Variants in PRKDC observed in about 807,000 individuals in gnomAD.
The protein encoded by PRKDC is protein kinase, DNA-activated, catalytic subunit.
PRKDC carries 82 observed loss-of-function variants against 486.9 expected under a neutral mutation model. That is an observed-to-expected ratio of 0.17 (90% CI 0.14 to 0.20). The LOEUF is 0.20. Ranked by LOEUF, PRKDC falls within the 10% of genes least tolerant of loss-of-function variation. The probability of loss-of-function intolerance (pLI) is 1.00; values close to 1 mark genes in which losing one functional copy is unlikely to be tolerated. For missense variants in PRKDC, 4,504 were observed against 5,038.2 expected (o/e 0.89, Z 3.21); for synonymous variants, 1,895 against 1,837.0 (o/e 1.03, Z -0.81).
intron 72 of PRKDC, among the ~76,000 whole-genome samples, chr8:47,798,873 A>T (rs927552657): frequency 6.6e-6 from 1 of 151,290 alleles, no homozygotes; most frequent in Admixed American, 6.6e-5. Context: ...GCAGTAGTGG[A>T]TATCGGCTCA....
intron 33 of PRKDC, 67 bp downstream of exon 33, chr8:47,888,947 G>A: frequency 1.4e-6 from 2 of 1,473,926 alleles, no homozygotes; most frequent in Non-Finnish European, 1.9e-6. Flanking sequence ...AGCTGCAGGA[G>A]CACGGCAACA....
chr8:47,777,099 G>T, intron 84 of PRKDC, 116 bp from the exon 85 acceptor site: 1 of 1,328,368 alleles, frequency 7.5e-7, no homozygotes, highest in Non-Finnish European at 1.0e-6. Context: ...ACCAGGAGCA[G>T]CCTTGCTTTC....
intron 26 of PRKDC, among the ~76,000 whole-genome samples, chr8:47,903,255 T>C (rs1477953326): frequency 2.0e-5 from 3 of 152,340 alleles, no homozygotes; most frequent in Middle Eastern, 3.4e-3. Flanking sequence ...GAAAATCCTA[T>C]GGAGGCATGA....
intron 57 of PRKDC, among the ~76,000 whole-genome samples, chr8:47,836,976 G>T (rs2088039018): frequency 2.0e-5 from 3 of 152,224 alleles, no homozygotes; most frequent in African/African-American, 7.2e-5. Flanking sequence ...TGTGGATTGG[G>T]AGGAATGAGG....
chr8:47,851,535 G>A (rs886218024), intron 52 of PRKDC, among the ~76,000 whole-genome samples: 1 of 152,174 alleles, frequency 6.6e-6, no homozygotes, highest in African/African-American at 2.4e-5. Flanking sequence ...TGCCTGCTCA[G>A]GACCACCTGG....
intron 30 of PRKDC, among the ~76,000 whole-genome samples, chr8:47,896,039 G>C (rs780675341): frequency 6.6e-6 from 1 of 151,806 alleles, no homozygotes; most frequent in Admixed American, 6.6e-5. Context: ...ACTCTGTCTC[G>C]GGGGAAAAAA....
chr8:47,816,498 A>G (rs1332798343), intron 68 of PRKDC, among the ~76,000 whole-genome samples: 3 of 152,216 alleles, frequency 2.0e-5, no homozygotes, highest in Non-Finnish European at 2.9e-5. Flanking sequence ...ACAATTAACA[A>G]AACTGAAATT....
At chr8:47,943,003 G>A (rs889864733) in intron 10 of PRKDC, among the ~76,000 whole-genome samples, 2 of 152,192 alleles carry the variant, frequency 1.3e-5, no homozygotes, top group African/African-American at 4.8e-5. Context: ...TCTAGGCTCT[G>A]AGGCCCTAAT....
Position 47,850,725 on chromosome 8 carries a change from A to C in PRKDC, c.7006-1222T>G, listed in dbSNP as rs182649291. On this transcript the variant is annotated intron_variant, in intron 52 of 85. Coordinates refer to ENST00000314191, the MANE Select transcript of PRKDC (RefSeq NM_006904.7). ...AGAAAGCAAGTTATAAAACAGTATG[A>C]ATAACAGAGACCAAGAACAGTGGAG... is the stretch of plus-strand genomic sequence containing the variant. 3.9e-5 allele frequency among the ~76,000 whole-genome samples: 6 copies of C among 152,374 alleles called. No homozygotes were observed. The East Asian group carries it at 1.2e-3, about 29-fold the overall frequency.
At chr8:47,800,239 A>C (rs983918788) in intron 71 of PRKDC, among the ~76,000 whole-genome samples, 1 of 152,034 alleles carries the variant, frequency 6.6e-6, no homozygotes, top group African/African-American at 2.4e-5. Flanking sequence ...CTGGATTAAG[A>C]AAATGTGGCA....
chr8:47,868,312 A>C lies in PRKDC; in HGVS notation c.5364-3549T>G, dbSNP rs143389960. ...GCGGCTCACACTTGTAATCCCAGCAATTTGGAGGCTGAGAAAGAAGGATCA... is the reference window on the plus strand; with the variant it reads ...GCGGCTCACACTTGTAATCCCAGCACTTTGGAGGCTGAGAAAGAAGGATCA... On this transcript the variant is annotated intron_variant, in intron 40 of 85. Coordinates refer to ENST00000314191, the MANE Select transcript of PRKDC (RefSeq NM_006904.7). 2.1e-4 allele frequency among the ~76,000 whole-genome samples: 32 copies of C among 152,018 alleles called. 2 individuals are homozygous for C. The East Asian group carries it at 6.0e-3, about 28-fold the overall frequency.
In PRKDC at chr8:47,881,367, G is replaced by A. The variant is rs369789074; in HGVS notation, c.5067+49C>T. The A allele has an allele frequency of 1.2e-4, 136 of 1,105,620 alleles. No individual in the cohort carries two copies. The African/African-American group carries it at 1.8e-3, about 15-fold the overall frequency. The allele number at this position is 1,105,620 out of a possible 1,614,324, so 68.5% of individuals were successfully genotyped here. On this transcript the variant is annotated intron_variant, in intron 38 of 85. Coordinates refer to ENST00000314191, the MANE Select transcript of PRKDC (RefSeq NM_006904.7). The stretch of plus-strand genomic sequence containing the variant: ...AAAAAACATCACAAATAAAAAATAC[G>A]AAAACAGAAGAGAATGTAATCCAAA...
rs532814393 is a variant in PRKDC, at chr8:47,879,679, A to C, written c.5068-21T>G. ...TGGCCCTGTGGAGCAAGACAGACAT[A>C]AGAAACTGCACGAATTATGGCTTAT... On this transcript the variant is annotated intron_variant, in intron 38 of 85. Coordinates refer to ENST00000314191, the MANE Select transcript of PRKDC (RefSeq NM_006904.7). 4 of 1,515,696 alleles carry C rather than the reference A, an allele frequency of 2.6e-6. No homozygotes were observed. In the Admixed American group the frequency reaches 1.0e-4, roughly 39 times the overall value. 93.9% of individuals were successfully genotyped at this position (1,515,696 alleles called of 1,614,324 possible). A position where few individuals can be genotyped will look rare whatever the true frequency, so the allele number is the denominator to read the frequency against.
At chr8:47,784,966 T>C in intron 77 of PRKDC, 147 bp downstream of exon 77, 1 of 749,192 alleles carries the variant, frequency 1.3e-6, no homozygotes, top group Non-Finnish European at 2.2e-6. Flanking sequence ...ATTTTCCTAA[T>C]GATGAAAAAT....
Position 47,782,081 on chromosome 8 carries a change from C to A in PRKDC, c.11489+81G>T. The A allele has an allele frequency of 1.6e-6, 2 of 1,285,428 alleles. No homozygotes were observed. Among genetic ancestry groups the A allele is most frequent in the South Asian group, 1.2e-5 (1 of 80,426 alleles). 79.6% of individuals were successfully genotyped at this position (1,285,428 alleles called of 1,614,324 possible). On this transcript the variant is annotated intron_variant, in intron 80 of 85. Coordinates refer to ENST00000314191, the MANE Select transcript of PRKDC (RefSeq NM_006904.7). The surrounding 1 kb of genome is among the most constrained non-coding windows in gnomAD (Gnocchi z 4.9). The stretch of plus-strand genomic sequence containing the variant: ...GGCAGGCAGTGTGGGCTCTCGAGCG[C>A]GCCTGTCACGGCCCCGACCTGCCAC...
chr8:47,903,360 C>G (rs2089721198), intron 26 of PRKDC, among the ~76,000 whole-genome samples: 1 of 152,164 alleles, frequency 6.6e-6, no homozygotes. Flanking sequence ...TTGTTGCCTT[C>G]TAGTCATGAC....
At chr8:47,785,378 C>T in intron 76 of PRKDC, 61 bp from the exon 77 acceptor site, 1 of 1,285,716 alleles carries the variant, frequency 7.8e-7, no homozygotes, top group South Asian at 1.3e-5. Context: ...GGAAAAGGCT[C>T]TAAGCTTATA....
Position 47,943,903 on chromosome 8 carries a change from T to A in PRKDC, c.778-20A>T, listed in dbSNP as rs988564237. On this transcript the variant is annotated intron_variant, in intron 8 of 85. Transcript: ENST00000314191. ...ATCAATCTATTTTAGAAAAGAAAAA[T>A]TCACCATCAGTATTTGAAAGTCTGC... The A allele has an allele frequency of 1.9e-6, 3 of 1,585,940 alleles. No individual in the cohort carries two copies. The highest frequency in any genetic ancestry group is 2.6e-6 in the Non-Finnish European group (3 of 1,163,610).
rs545161277 is a variant in PRKDC at position 47,921,826 on chromosome 8, C to T, written c.2420-3443G>A. Reference sequence around the variant, plus strand: ...TGAGACAGAGTCTTGCTCTGTCACCCAGGCTGGAGTGCAGTGGCACAATCT... The same window carrying T: ...TGAGACAGAGTCTTGCTCTGTCACCTAGGCTGGAGTGCAGTGGCACAATCT... On this transcript the variant is annotated intron_variant, in intron 21 of 85. Coordinates refer to ENST00000314191, the MANE Select transcript of PRKDC (RefSeq NM_006904.7). 1.2e-4 allele frequency among the ~76,000 whole-genome samples: 19 copies of T among 152,344 alleles called. No individual in the cohort carries two copies. In the East Asian group the frequency reaches 3.7e-3, roughly 29 times the overall value.
Sources: gnomAD v4.1 joint callset for allele counts (sites outside exome capture counted in the v4.1 genomes callset) on GRCh38, gnomAD v4.1.1 for gene constraint, Gnocchi (gnomAD v3.1) non-coding constraint, MANE v1.5 for transcripts, NCBI Gene and HGNC (gene_info 2026-07-23, HGNC 2026-07-21) for gene names.